Variants in GRID2 observed in about 807,000 individuals in gnomAD.
The protein encoded by GRID2 is glutamate receptor ionotropic, delta-2.
A neutral mutation model predicts 114.8 loss-of-function variants in GRID2; 33 were observed. That is an observed-to-expected ratio of 0.29 (90% CI 0.22 to 0.38). The LOEUF is 0.38. Among genes scored for constraint, GRID2 ranks in the 10% least tolerant of loss-of-function variants. The pLI, the probability that GRID2 is intolerant of heterozygous loss-of-function variation, is 1.00. For missense variants in GRID2, 1,184 were observed against 1,257.7 expected, an observed-to-expected ratio of 0.94 and a Z score of 0.89; for synonymous variants, 505 against 449.9, an observed-to-expected ratio of 1.12 and a Z score of -1.55.
chr4:92,564,386 G>A (rs1727237098), intron 1 of GRID2, among the ~76,000 whole-genome samples: 2 of 151,974 alleles, frequency 1.3e-5, no homozygotes, highest in South Asian at 4.1e-4. Flanking sequence ...AAATTTTAAT[G>A]GAGAAGAAAG....
At chr4:92,968,221 C>A (rs896860559) in intron 2 of GRID2, among the ~76,000 whole-genome samples, 7 of 151,834 alleles carry the variant, frequency 4.6e-5, no homozygotes, top group Non-Finnish European at 8.8e-5. Flanking sequence ...ATTTTCACAA[C>A]CTCTAAGGTA....
At chr4:92,373,454 A>G (rs1729209591) in intron 1 of GRID2, among the ~76,000 whole-genome samples, 1 of 152,224 alleles carries the variant, frequency 6.6e-6, no homozygotes, top group Non-Finnish European at 1.5e-5. Context: ...ACAATGTTGT[A>G]GCCTGGCTGA....
intron 14 of GRID2, among the ~76,000 whole-genome samples, chr4:93,650,096 C>T (rs1290668272): frequency 6.6e-6 from 1 of 151,986 alleles, no homozygotes; most frequent in Non-Finnish European, 1.5e-5. Flanking sequence ...CTCACACTTC[C>T]TCTGGTTAAC....
chr4:93,306,340 T>C (rs1755418077), intron 8 of GRID2: 1 of 152,226 alleles, frequency 6.6e-6, no homozygotes, highest in Admixed American at 6.5e-5. Context: ...GCTCATTTCA[T>C]TCGTCTCAGA....
At chr4:93,469,583 A>G (rs967559598) in intron 11 of GRID2, among the ~76,000 whole-genome samples, 1 of 152,056 alleles carries the variant, frequency 6.6e-6, no homozygotes, top group Non-Finnish European at 1.5e-5. Flanking sequence ...TCTATCTCCA[A>G]TCTTCCTTAC....
At chr4:92,319,135 A>C (rs1283016942) in intron 1 of GRID2, among the ~76,000 whole-genome samples, 2 of 152,198 alleles carry the variant, frequency 1.3e-5, no homozygotes, top group Admixed American at 6.6e-5. Flanking sequence ...AAATATGAAC[A>C]ATTATTTTAT....
Position 92,776,148 on chromosome 4 carries a change from G to A in GRID2, c.244+185862G>A, listed in dbSNP as rs1030756. Reference sequence around the variant, plus strand: ...TATGAGTGTGTGTTAATCTTTCATCGCTATAAACTTTTGAAATATGTTCAG... The same window carrying A: ...TATGAGTGTGTGTTAATCTTTCATCACTATAAACTTTTGAAATATGTTCAG... On this transcript the variant is annotated intron_variant, in intron 2 of 15. Transcript: ENST00000282020. Among the ~76,000 whole-genome samples, 564 of 152,030 alleles carry A rather than the reference G, an allele frequency of 3.7e-3. 5 individuals are homozygous for A. Among genetic ancestry groups the A allele is most frequent in the Middle Eastern group, 0.01 (3 of 294 alleles).
At chr4:92,378,620 A>G (rs1414463655) in intron 1 of GRID2, among the ~76,000 whole-genome samples, 2 of 152,080 alleles carry the variant, frequency 1.3e-5, no homozygotes, top group East Asian at 3.8e-4. Context: ...CACACCCCAC[A>G]CACTTTACCC....
chr4:92,929,627 A>G (rs1045130226), intron 2 of GRID2, among the ~76,000 whole-genome samples: 1 of 151,374 alleles, frequency 6.6e-6, no homozygotes, highest in Admixed American at 6.6e-5. Context: ...CATTTATTTG[A>G]TAAAGTCTTC....
At chr4:93,472,727 T>G (rs1420043648) in intron 11 of GRID2, among the ~76,000 whole-genome samples, 1 of 152,116 alleles carries the variant, frequency 6.6e-6, no homozygotes, top group Non-Finnish European at 1.5e-5. Context: ...AAAATCGACT[T>G]TATGTTACAG....
At chr4:93,377,348 GTTATGA>G (rs1350023275) in intron 8 of GRID2, among the ~76,000 whole-genome samples, 1 of 152,110 alleles carries the variant, frequency 6.6e-6, no homozygotes, top group Non-Finnish European at 1.5e-5. Context: ...TTTTGCCTGA[GTTATGA>G]TGAGCTTTGA....
At chr4:93,394,732 C>T (rs1272593780) in intron 8 of GRID2, among the ~76,000 whole-genome samples, 1 of 151,976 alleles carries the variant, frequency 6.6e-6, no homozygotes, top group Non-Finnish European at 1.5e-5. Flanking sequence ...GATCTGCTTT[C>T]AGGATGAATA....
intron 2 of GRID2, among the ~76,000 whole-genome samples, chr4:92,861,854 C>T (rs1292091322): frequency 6.6e-6 from 1 of 151,982 alleles, no homozygotes; most frequent in Non-Finnish European, 1.5e-5. Context: ...AAATGTCCAC[C>T]CTGGCTACTC....
chr4:93,053,573 A>C lies in GRID2; in HGVS notation c.245-31422A>C, dbSNP rs188140037. Among the ~76,000 whole-genome samples the C allele has an allele frequency of 1.1e-3, 163 of 152,076 alleles. 1 individual carries two copies. The highest frequency in any genetic ancestry group is 1.9e-3 in the Non-Finnish European group (128 of 67,924). ...ATGAAGACTTAGCTTCCCACTGTGCACTGGCATGCATTTTAAAGAAAAGGT... is the reference window on the plus strand; with the variant it reads ...ATGAAGACTTAGCTTCCCACTGTGCCCTGGCATGCATTTTAAAGAAAAGGT... On this transcript the variant is annotated intron_variant, in intron 2 of 15. Coordinates refer to ENST00000282020, the MANE Select transcript of GRID2 (RefSeq NM_001510.4).
At chr4:92,709,589 A>AAAAAAAATAT (rs779775767) in intron 2 of GRID2, among the ~76,000 whole-genome samples, 2 of 114,660 alleles carry the variant, frequency 1.7e-5, no homozygotes, top group South Asian at 3.2e-4. Context: ...AAAAAAAAAA[A>AAAAAAAATAT]ATATATATAT....
intron 2 of GRID2, among the ~76,000 whole-genome samples, chr4:92,805,858 A>AT (rs1014375491): frequency 1.6e-4 from 24 of 151,512 alleles, no homozygotes; most frequent in African/African-American, 3.9e-4. Context: ...TCTATATGTT[A>AT]TTTTTTTTGA....
intron 1 of GRID2, among the ~76,000 whole-genome samples, chr4:92,529,881 G>A (rs975075005): frequency 2.6e-5 from 4 of 152,102 alleles, no homozygotes; most frequent in East Asian, 1.9e-4. Context: ...GTAGAGAAGC[G>A]GAGAATAGTA....
At chr4:93,020,240 G>A (rs1305611279) in intron 2 of GRID2, among the ~76,000 whole-genome samples, 1 of 152,126 alleles carries the variant, frequency 6.6e-6, no homozygotes. Flanking sequence ...CATGAAAAAA[G>A]TAATGGTCTA....
At chr4:92,403,180 G>A (rs1366641326) in intron 1 of GRID2, among the ~76,000 whole-genome samples, 1 of 152,146 alleles carries the variant, frequency 6.6e-6, no homozygotes, top group Non-Finnish European at 1.5e-5. Flanking sequence ...TGTGTGGCTG[G>A]TTTTATTTTC....
Sources: allele counts gnomAD v4.1 joint callset (sites outside exome capture counted in the v4.1 genomes callset), GRCh38; gene constraint gnomAD v4.1.1; transcripts MANE v1.5; gene names NCBI Gene and HGNC (gene_info 2026-07-23, HGNC 2026-07-21).